Variants in NLGN4X observed in about 807,000 individuals in gnomAD.
NLGN4X encodes neuroligin 4 X-linked, also known as neuroligin-4, X-linked.
A neutral mutation model predicts 40.3 loss-of-function variants in NLGN4X; 3 were observed. The ratio of observed to expected loss-of-function variants is 0.07; its 90% CI spans 0.03 to 0.19. The LOEUF is 0.19. Ranked by LOEUF, NLGN4X falls within the 10% of genes least tolerant of loss-of-function variation. The pLI is 1.00. For missense variants in NLGN4X, 382 were observed against 708.3 expected, an observed-to-expected ratio of 0.54 and a Z score of 5.23; for synonymous variants, 270 against 306.8, an observed-to-expected ratio of 0.88 and a Z score of 1.25.
intron 3 of NLGN4X, among the ~76,000 whole-genome samples, chrX:6,023,253 A>C (rs1384713548): frequency 1.8e-5 from 2 of 111,890 alleles, no homozygotes. Context: ...GGTTAATGCC[A>C]CCATCACCGT....
chrX:6,002,411 C>T (rs1394731727), intron 3 of NLGN4X, among the ~76,000 whole-genome samples: 1 of 112,118 alleles, frequency 8.9e-6, no homozygotes. Context: ...AAGAGCTGTT[C>T]CCCGCCCCGT....
At chrX:6,207,836 T>C (rs1924166152) in intron 1 of NLGN4X, among the ~76,000 whole-genome samples, 1 of 112,035 alleles carries the variant, frequency 8.9e-6, no homozygotes, top group African/African-American at 3.2e-5. Context: ...TTAAAAACGA[T>C]ATTATAAAAT....
intron 2 of NLGN4X, among the ~76,000 whole-genome samples, chrX:6,055,668 CA>C (rs2037607074): frequency 2.7e-5 from 3 of 111,458 alleles, no homozygotes; most frequent in Admixed American, 1.9e-4. Flanking sequence ...AAATAAATAA[CA>C]TTCTGCAAAT....
chrX:6,124,876 T>G, intron 2 of NLGN4X, among the ~76,000 whole-genome samples: 1 of 112,354 alleles, frequency 8.9e-6, no homozygotes, highest in East Asian at 2.8e-4. Flanking sequence ...CACCGAACGT[T>G]TACAAAATCT....
At chrX:6,138,290 G>C (rs1239416479) in intron 2 of NLGN4X, among the ~76,000 whole-genome samples, 1 of 111,682 alleles carries the variant, frequency 9.0e-6, no homozygotes, top group East Asian at 2.8e-4. Context: ...TGTGATGCAT[G>C]AGAATAGATG....
intron 2 of NLGN4X, among the ~76,000 whole-genome samples, chrX:6,088,935 A>C (rs757750274): frequency 8.9e-6 from 1 of 111,936 alleles, no homozygotes; most frequent in African/African-American, 3.2e-5. Context: ...AAGCAGATGA[A>C]TGATAAATGC....
intron 3 of NLGN4X, among the ~76,000 whole-genome samples, chrX:6,021,264 A>G (rs1040096115): frequency 9.2e-6 from 1 of 108,152 alleles, no homozygotes; most frequent in African/African-American, 3.4e-5. Flanking sequence ...TCCTTGCCCA[A>G]TAAATACCGT....
At position 5,895,639 on chromosome X, in the gene NLGN4X, A is replaced by G. The variant is rs1010623946; in HGVS notation, c.1602-1973T>C. The stretch of plus-strand genomic sequence containing the variant: ...TGTGTATATCTATCTATAGATATAG[A>G]TATTAGATGTATAACATAATACAGG... On this transcript the variant is annotated intron_variant, in intron 5 of 5. Transcript: ENST00000381095. 3.6e-5 allele frequency among the ~76,000 whole-genome samples: 4 copies of G among 111,192 alleles called. No individual in the cohort carries two copies. In the Admixed American group the frequency reaches 3.8e-4, roughly 11 times the overall value.
rs1000886950 is a variant in NLGN4X, at chrX:6,188,283, C to G, written c.-305-36512G>C. 2.7e-5 allele frequency among the ~76,000 whole-genome samples: 3 copies of G among 112,330 alleles called. No homozygotes were observed. The Admixed American group carries it at 2.8e-4, about 11-fold the overall frequency. The stretch of plus-strand genomic sequence containing the variant: ...CATGTCTGCACAACTCTGTTCATCT[C>G]TTTTAATTTCCGAGAAGACGAAATA... On this transcript the variant is annotated intron_variant, in intron 1 of 5. Coordinates refer to ENST00000381095, the MANE Select transcript of NLGN4X (RefSeq NM_181332.3).
chrX:5,919,302 T>C (rs1447174718), intron 3 of NLGN4X, among the ~76,000 whole-genome samples: 1 of 111,852 alleles, frequency 8.9e-6, no homozygotes, highest in African/African-American at 3.2e-5. Flanking sequence ...TCTTCTATTG[T>C]TCCAAGCTTC....
At chrX:6,219,544 TTTTCTTTCTTTCTTTCTTTC>T (rs200235998) in intron 1 of NLGN4X, among the ~76,000 whole-genome samples, 6 of 94,656 alleles carry the variant, frequency 6.3e-5, no homozygotes, top group Non-Finnish European at 1.0e-4. Context: ...TCCTTTTCTC[TTTTCTTTCTTTCTTTCTTTC>T]TTTCTTTCTT....
intron 1 of NLGN4X, among the ~76,000 whole-genome samples, chrX:6,175,936 A>C (rs1312727142): frequency 9.0e-6 from 1 of 110,907 alleles, no homozygotes; most frequent in African/African-American, 3.3e-5. Context: ...CATTAAATAC[A>C]CTTGTAATGT....
intron 2 of NLGN4X, among the ~76,000 whole-genome samples, chrX:6,088,798 C>T (rs2038563371): frequency 1.8e-5 from 2 of 111,466 alleles, no homozygotes; most frequent in African/African-American, 3.3e-5. Flanking sequence ...TATATGATGC[C>T]GAGTTCATAT....
chrX:6,061,998 G>A (rs2037783390), intron 2 of NLGN4X, among the ~76,000 whole-genome samples: 1 of 111,563 alleles, frequency 9.0e-6, no homozygotes, highest in Admixed American at 9.6e-5. Flanking sequence ...AGATACCATC[G>A]ACACTATCTA....
chrX:5,975,236 A>G (rs1720208630), intron 3 of NLGN4X, among the ~76,000 whole-genome samples: 2 of 112,213 alleles, frequency 1.8e-5, no homozygotes, highest in South Asian at 7.3e-4. Flanking sequence ...CATCTTTTGT[A>G]GAATCGAAGT....
chrX:6,030,065 C>T (rs1362355151), intron 2 of NLGN4X, among the ~76,000 whole-genome samples: 1 of 111,267 alleles, frequency 9.0e-6, no homozygotes, highest in East Asian at 2.8e-4. Context: ...CCAGTGATTA[C>T]AGTAACATAC....
intron 3 of NLGN4X, among the ~76,000 whole-genome samples, chrX:5,921,552 C>T (rs1013511967): frequency 9.1e-6 from 1 of 110,051 alleles, no homozygotes; most frequent in Admixed American, 9.8e-5. Flanking sequence ...AAGGTGTTTG[C>T]GGGGTAAGTG....
intron 2 of NLGN4X, among the ~76,000 whole-genome samples, chrX:6,103,071 T>C (rs1380874737): frequency 8.9e-6 from 1 of 111,790 alleles, no homozygotes; most frequent in African/African-American, 3.2e-5. Flanking sequence ...GCTCAGCCCG[T>C]GGGTGTGCAG....
chrX:6,164,768 G>T (rs993261418), intron 1 of NLGN4X, among the ~76,000 whole-genome samples: 1 of 111,676 alleles, frequency 9.0e-6, no homozygotes, highest in Non-Finnish European at 1.9e-5. Flanking sequence ...ACCCTGGCTA[G>T]AGTGCTCCAT....
Sources: gnomAD v4.1 joint callset for allele counts (sites outside exome capture counted in the v4.1 genomes callset) on GRCh38, gnomAD v4.1.1 for gene constraint, MANE v1.5 for transcripts, NCBI Gene and HGNC (gene_info 2026-07-23, HGNC 2026-07-21) for gene names.